CDA: variants seen among roughly 807,000 people sequenced by gnomAD.
CDA encodes the protein cytidine aminohydrolase.
Under a neutral mutation model 15.0 loss-of-function variants are expected in CDA, and 7 were observed. The observed-to-expected ratio is 0.47, with a 90% CI of 0.26 to 0.87. The LOEUF is 0.87. Among genes scored for constraint, CDA ranks in the 40% least tolerant of loss-of-function variants. The pLI is 0.15. For missense variants in CDA, 159 were observed against 182.7 expected (o/e 0.87, Z 0.75); for synonymous variants, 58 against 73.0 (o/e 0.79, Z 1.05).
At position 20,613,982 on chromosome 1, in the gene CDA, C is replaced by T; in HGVS notation, c.324+83C>T. The T allele has an allele frequency of 3.2e-6, 4 of 1,256,184 alleles. No homozygotes were observed. The Admixed American group carries it at 5.3e-5, about 17-fold the overall frequency. The allele number at this position is 1,256,184 out of a possible 1,614,324, so 77.8% of individuals were successfully genotyped here. On this transcript the variant is annotated intron_variant, in intron 3 of 3. Transcript: ENST00000375071. ...GAGCCACGCCAAGTTGCAGGCATGGCAGGCATGGCAGGCGTGGAGACACAG... is the reference window on the plus strand; with the variant it reads ...GAGCCACGCCAAGTTGCAGGCATGGTAGGCATGGCAGGCGTGGAGACACAG...
intron 1 of CDA, among the ~76,000 whole-genome samples, chr1:20,591,046 A>C (rs1335993989): frequency 1.3e-5 from 2 of 152,168 alleles, no homozygotes; most frequent in African/African-American, 4.8e-5. Context: ...TTCTTGTTTT[A>C]AAACCCACAA....
chr1:20,607,291 T>A (rs1257850499), intron 2 of CDA, among the ~76,000 whole-genome samples: 1 of 152,170 alleles, frequency 6.6e-6, no homozygotes, highest in African/African-American at 2.4e-5. Flanking sequence ...AATTTGTTTC[T>A]GAGTAAGTAA....
intron 1 of CDA, among the ~76,000 whole-genome samples, chr1:20,599,488 G>A (rs1028543952): frequency 9.9e-5 from 15 of 151,832 alleles, no homozygotes; most frequent in Non-Finnish European, 1.8e-4. Context: ...GTGGTGGCAC[G>A]CACCTGTAGT....
intron 2 of CDA, among the ~76,000 whole-genome samples, chr1:20,610,467 A>G (rs2052739468): frequency 1.3e-5 from 2 of 151,702 alleles, no homozygotes; most frequent in Admixed American, 6.6e-5. Flanking sequence ...CGCCCGGCTA[A>G]TTTTTGTATT....
chr1:20,599,647 T>TAAAATAAAACAAAAC lies in CDA; in HGVS notation c.155-5277_155-5276insTAAAACAAAACAAAA, dbSNP rs568052436. On this transcript the variant is annotated intron_variant, in intron 1 of 3. Transcript: ENST00000375071. ...TAAAATAAAATAAAATAAAATAAAA[T>TAAAATAAAACAAAAC]AAAACAAAATAAAATAAAATAAAAA... 2.0e-5 allele frequency among the ~76,000 whole-genome samples: 3 copies of TAAAATAAAACAAAAC among 146,988 alleles called. No homozygotes were observed. The South Asian group carries it at 6.3e-4, about 31-fold the overall frequency.
At chr1:20,596,277 G>A (rs2052591082) in intron 1 of CDA, among the ~76,000 whole-genome samples, 2 of 152,200 alleles carry the variant, frequency 1.3e-5, no homozygotes, top group African/African-American at 4.8e-5. Flanking sequence ...AACATGGAGA[G>A]AGTGTCGTAT....
intron 2 of CDA, among the ~76,000 whole-genome samples, chr1:20,608,719 T>C (rs1173156784): frequency 6.6e-6 from 1 of 152,144 alleles, no homozygotes; most frequent in Non-Finnish European, 1.5e-5. Flanking sequence ...CTCAAACTAT[T>C]ATATTGTTTT....
intron 3 of CDA, among the ~76,000 whole-genome samples, chr1:20,616,471 G>A (rs2052813241): frequency 6.6e-6 from 1 of 152,092 alleles, no homozygotes; most frequent in Non-Finnish European, 1.5e-5. Context: ...CATACCACCG[G>A]GAAAGCAGTG....
chr1:20,590,923 C>T (rs1317216055), intron 1 of CDA, among the ~76,000 whole-genome samples: 1 of 152,202 alleles, frequency 6.6e-6, no homozygotes, highest in African/African-American at 2.4e-5. Flanking sequence ...GGCTGCCTTC[C>T]ATCCATGCTT....
intron 1 of CDA, among the ~76,000 whole-genome samples, chr1:20,598,548 C>A (rs2052609850): frequency 6.6e-6 from 1 of 152,238 alleles, no homozygotes; most frequent in Non-Finnish European, 1.5e-5. Flanking sequence ...GTTTAAACAG[C>A]AGACATTTAT....
At chr1:20,593,274 G>A (rs2052564950) in intron 1 of CDA, among the ~76,000 whole-genome samples, 2 of 152,132 alleles carry the variant, frequency 1.3e-5, no homozygotes, top group South Asian at 4.1e-4. Context: ...CTACAATGGA[G>A]TGAGCTCACT....
Position 20,612,219 on chromosome 1 carries a change from T to C in CDA, c.267-1623T>C, listed in dbSNP as rs189243452. On this transcript the variant is annotated intron_variant, in intron 2 of 3. Transcript: ENST00000375071. ...CACAGAGAAACCCAGGGCTTCCGAA[T>C]AGCATCTCTGCCTCTTCATCACACT... Among the ~76,000 whole-genome samples the C allele has an allele frequency of 2.1e-3, 316 of 152,256 alleles. 1 individual carries two copies. The highest frequency in any genetic ancestry group is 3.4e-3 in the Non-Finnish European group (228 of 68,010).
intron 3 of CDA, among the ~76,000 whole-genome samples, chr1:20,618,176 A>G (rs937193427): frequency 6.6e-6 from 1 of 151,024 alleles, no homozygotes; most frequent in African/African-American, 2.4e-5. Flanking sequence ...AGGAGGTTCC[A>G]GGGGTTAGCT....
intron 1 of CDA, among the ~76,000 whole-genome samples, chr1:20,603,983 G>A (rs2052670600): frequency 1.3e-5 from 2 of 152,210 alleles, no homozygotes; most frequent in Non-Finnish European, 2.9e-5. Context: ...CTGGAGGCCC[G>A]AGGATTGTTT....
intron 1 of CDA, among the ~76,000 whole-genome samples, chr1:20,590,023 G>C (rs1402434836): frequency 6.6e-6 from 1 of 152,218 alleles, no homozygotes; most frequent in African/African-American, 2.4e-5. Context: ...AAAAGTTCAT[G>C]TGAGCAAAAA....
intron 1 of CDA, among the ~76,000 whole-genome samples, chr1:20,602,737 AG>A (rs2154532295): frequency 6.6e-6 from 1 of 152,286 alleles, no homozygotes; most frequent in Non-Finnish European, 1.5e-5. Context: ...GTGTTTTTAT[AG>A]GCCAGGCTTG....
intron 1 of CDA, among the ~76,000 whole-genome samples, chr1:20,600,330 G>C (rs1023684091): frequency 8.5e-5 from 13 of 152,178 alleles, no homozygotes; most frequent in Admixed American, 7.2e-4. Flanking sequence ...GCGGGGCTGG[G>C]AGAGTCACTA....
At chr1:20,608,393 AGTTTTGTTTTGTTTT>A (rs78313074) in intron 2 of CDA, among the ~76,000 whole-genome samples, 49 of 104,996 alleles carry the variant, frequency 4.7e-4, no homozygotes, top group African/African-American at 1.5e-3. Flanking sequence ...ACTATTATAT[AGTTTTGTTTTGTTTT>A]GTTTTGTTTT....
At chr1:20,607,434 C>T (rs998672255) in intron 2 of CDA, among the ~76,000 whole-genome samples, 4 of 151,890 alleles carry the variant, frequency 2.6e-5, no homozygotes, top group African/African-American at 9.7e-5. Context: ...TGCAGATAGG[C>T]CAAGATCAGG....
Sources: allele counts gnomAD v4.1 joint callset (sites outside exome capture counted in the v4.1 genomes callset), GRCh38; gene constraint gnomAD v4.1.1; transcripts MANE v1.5; gene names NCBI Gene and HGNC (gene_info 2026-07-23, HGNC 2026-07-21).